Variants in AOPEP observed in about 807,000 individuals in gnomAD.
The protein encoded by AOPEP is aminopeptidase O (putative).
Under a neutral mutation model 98.1 loss-of-function variants are expected in AOPEP, and 77 were observed. The observed-to-expected ratio is 0.78, with a 90% CI of 0.65 to 0.95. The LOEUF (loss-of-function observed/expected upper bound fraction) is 0.95, where lower values mean the gene tolerates loss of function less well. Ranked by LOEUF, AOPEP falls within the 40% of genes least tolerant of loss-of-function variation. The probability of loss-of-function intolerance (pLI) is 0.00; values close to 1 mark genes in which losing one functional copy is unlikely to be tolerated. For missense variants in AOPEP, 1,024 were observed against 1,024.7 expected (o/e 1.00, Z 0.01); for synonymous variants, 346 against 365.3 (o/e 0.95, Z 0.60).
chr9:95,125,843 G>A, the AOPEP span, among the ~76,000 whole-genome samples: 7 of 152,192 alleles, frequency 4.6e-5, no homozygotes, highest in African/African-American at 1.7e-4. Flanking sequence ...GGCTCCCCTG[G>A]AAGAGGGGCT....
chr9:95,029,488 G>A (rs1475376785), intron 13 of AOPEP, among the ~76,000 whole-genome samples: 11 of 151,998 alleles, frequency 7.2e-5, no homozygotes, highest in South Asian at 2.1e-4. Context: ...TGTGTGCTGC[G>A]TGTCACCCTC....
At chr9:94,809,232 G>A (rs1483895866) in intron 5 of AOPEP, among the ~76,000 whole-genome samples, 1 of 152,166 alleles carries the variant, frequency 6.6e-6, no homozygotes. Context: ...GAAATAAATG[G>A]ATTAAATAAA....
At chr9:94,831,743 G>A (rs576781495) in intron 5 of AOPEP, among the ~76,000 whole-genome samples, 1 of 151,806 alleles carries the variant, frequency 6.6e-6, no homozygotes, top group Admixed American at 6.6e-5. Flanking sequence ...GCAGGGTTTT[G>A]TAGTTCTTCT....
Position 94,984,815 on chromosome 9 carries a change from T to C in AOPEP, c.1977+5388T>C, listed in dbSNP as rs1158793015. On this transcript the variant is annotated intron_variant, in intron 11 of 16. Transcript: ENST00000375315. Reference sequence around the variant, plus strand: ...CTTAAAGTCACCCACAGAATAGATATGAGTGAAATCGTCTGTATTTTTGTC... The same window carrying C: ...CTTAAAGTCACCCACAGAATAGATACGAGTGAAATCGTCTGTATTTTTGTC... 2.6e-5 allele frequency among the ~76,000 whole-genome samples: 4 copies of C among 152,226 alleles called. No individual in the cohort carries two copies. The East Asian group carries it at 7.7e-4, about 29-fold the overall frequency.
chr9:95,122,256 C>T, the AOPEP span, among the ~76,000 whole-genome samples: 1 of 152,064 alleles, frequency 6.6e-6, no homozygotes, highest in Non-Finnish European at 1.5e-5. Context: ...TTTACAGATA[C>T]TCATTTTATT....
intron 11 of AOPEP, among the ~76,000 whole-genome samples, chr9:94,985,425 T>C (rs1321027151): frequency 6.6e-6 from 1 of 152,242 alleles, no homozygotes; most frequent in African/African-American, 2.4e-5. Context: ...TTTATGTCAC[T>C]GTAGTCACGA....
At chr9:94,953,703 A>G (rs1166014185) in intron 7 of AOPEP, among the ~76,000 whole-genome samples, 1 of 152,126 alleles carries the variant, frequency 6.6e-6, no homozygotes, top group East Asian at 1.9e-4. Context: ...GCACCACCAC[A>G]CTACCTTTTA....
chr9:94,972,035 G>A lies in AOPEP; in HGVS notation c.1916+4234G>A, dbSNP rs1287770303. ...GTGGCAGAGAGATGGGGGCGGAGAG[G>A]ACTGGAAGCCAGGAAAACAATTAGA... On this transcript the variant is annotated intron_variant, in intron 10 of 16. Transcript: ENST00000375315. This position sits in a 1 kb window ranked among gnomAD's most constrained non-coding sequence, Gnocchi z 4.2. Among the ~76,000 whole-genome samples the A allele has an allele frequency of 1.3e-5, 2 of 152,198 alleles. No individual in the cohort carries two copies. The highest frequency in any genetic ancestry group is 4.8e-5 in the African/African-American group (2 of 41,432).
At chr9:95,106,903 G>A in the AOPEP span, among the ~76,000 whole-genome samples, 1 of 152,208 alleles carries the variant, frequency 6.6e-6, no homozygotes, top group Non-Finnish European at 1.5e-5. Context: ...GGAAGGGGCA[G>A]GCTCTGGGGT....
At chr9:95,069,657 G>A (rs2134050559) in intron 14 of AOPEP, among the ~76,000 whole-genome samples, 1 of 152,364 alleles carries the variant, frequency 6.6e-6, no homozygotes, top group Admixed American at 6.5e-5. Flanking sequence ...AGACCACACA[G>A]GTGAAGCAAG....
the AOPEP span, among the ~76,000 whole-genome samples, chr9:95,121,483 G>A: frequency 2.0e-5 from 3 of 152,224 alleles, no homozygotes; most frequent in Non-Finnish European, 4.4e-5. Context: ...ATCTATGAAA[G>A]TTGAACTTTT....
At chr9:95,020,137 C>T (rs1476314201) in intron 13 of AOPEP, 1 of 152,254 alleles carries the variant, frequency 6.6e-6, no homozygotes, top group Non-Finnish European at 1.5e-5. Flanking sequence ...GCATGCTGGC[C>T]TGGAACTAGA....
chr9:95,060,976 T>C (rs1226366115), intron 14 of AOPEP, 166 bp downstream of exon 14: 6 of 588,364 alleles, frequency 1.0e-5, no homozygotes, highest in Non-Finnish European at 1.8e-5. Context: ...ATTATGCTTA[T>C]GCTTCTAATC....
chr9:95,063,693 A>C (rs1312379864), intron 14 of AOPEP, among the ~76,000 whole-genome samples: 1 of 152,088 alleles, frequency 6.6e-6, no homozygotes, highest in East Asian at 1.9e-4. Context: ...TCTTCCCTTC[A>C]CTGTGTGGGG....
chr9:94,897,213 T>G (rs563874411), intron 5 of AOPEP, among the ~76,000 whole-genome samples: 2 of 152,148 alleles, frequency 1.3e-5, no homozygotes, highest in Non-Finnish European at 2.9e-5. Context: ...AATAGTTTGT[T>G]GCTTGAGAAG....
intron 14 of AOPEP, among the ~76,000 whole-genome samples, chr9:95,072,220 C>T (rs964966426): frequency 1.3e-5 from 2 of 152,230 alleles, no homozygotes; most frequent in African/African-American, 4.8e-5. Flanking sequence ...GCAGCCATGC[C>T]ATGCCCACGT....
chr9:95,011,235 G>C (rs1377706703), intron 13 of AOPEP, among the ~76,000 whole-genome samples: 1 of 67,538 alleles, frequency 1.5e-5, no homozygotes, highest in Non-Finnish European at 2.9e-5. Flanking sequence ...TTTTTTTTTT[G>C]ATACGAAGTC....
In AOPEP at chr9:94,741,523, G is replaced by A. The variant is rs1833120968; in HGVS notation, c.-136+14772G>A. Among the ~76,000 whole-genome samples, 3 of 151,988 alleles carry A rather than the reference G, an allele frequency of 2.0e-5. No homozygotes were observed. In the East Asian group the frequency reaches 5.8e-4, roughly 30 times the overall value. ...CCTGACCTCGTCATCTGCCCGTCTCGGCCTCCCAAAGTGTTGAGATTACGG... is the reference window on the plus strand; with the variant it reads ...CCTGACCTCGTCATCTGCCCGTCTCAGCCTCCCAAAGTGTTGAGATTACGG... On this transcript the variant is annotated intron_variant, in intron 1 of 16. Coordinates refer to ENST00000375315, the MANE Select transcript of AOPEP (RefSeq NM_001193329.3).
At chr9:95,141,242 G>A in the AOPEP span, among the ~76,000 whole-genome samples, 4 of 149,912 alleles carry the variant, frequency 2.7e-5, no homozygotes, top group Non-Finnish European at 4.4e-5. Context: ...AGCCTGGGAG[G>A]TCGAGGCTAC....
Sources: gnomAD v4.1 joint callset for allele counts (sites outside exome capture counted in the v4.1 genomes callset) on GRCh38, gnomAD v4.1.1 for gene constraint, Gnocchi (gnomAD v3.1) non-coding constraint, MANE v1.5 for transcripts, NCBI Gene and HGNC (gene_info 2026-07-23, HGNC 2026-07-21) for gene names.